Variants in PCDH15 observed in about 807,000 individuals in gnomAD.
PCDH15 encodes protocadherin-15.
In PCDH15, 129 loss-of-function variants were observed where a neutral mutation model predicts 178.5. That is an observed-to-expected ratio of 0.72 (90% CI 0.63 to 0.84). The LOEUF is 0.84. PCDH15 is among the 40% of genes least tolerant of loss of function. The pLI, the probability that PCDH15 is intolerant of heterozygous loss-of-function variation, is 0.00. For synonymous variants in PCDH15, 800 were observed against 732.0 expected (o/e 1.09, Z -1.50); for missense variants, 2,230 against 2,099.9 (o/e 1.06, Z -1.21).
chr10:55,219,443 A>G (rs1399704667), intron 1 of PCDH15, among the ~76,000 whole-genome samples: 2 of 151,908 alleles, frequency 1.3e-5, no homozygotes. Flanking sequence ...GGTCAGATAT[A>G]TGTACCTAAA....
intron 3 of PCDH15, among the ~76,000 whole-genome samples, chr10:54,448,913 T>C (rs10825333): frequency 0.12 from 18,292 of 151,792 alleles, 1,523 homozygotes; most frequent in Middle Eastern, 0.25. Context: ...AGACTACATC[T>C]CCTATTTTTA....
chr10:53,823,484 A>G (rs748208814), intron 32 of PCDH15: 2 of 913,702 alleles, frequency 2.2e-6, no homozygotes, highest in Non-Finnish European at 3.7e-6. Flanking sequence ...AACAACACTA[A>G]CCTACTAAAG....
chr10:54,412,530 T>C (rs1357330764), intron 3 of PCDH15, among the ~76,000 whole-genome samples: 4 of 152,136 alleles, frequency 2.6e-5, no homozygotes, highest in Non-Finnish European at 5.9e-5. Context: ...ACACCGAAGT[T>C]AGTTGTGATA....
intron 26 of PCDH15, among the ~76,000 whole-genome samples, chr10:53,877,799 A>G (rs2080355097): frequency 6.6e-6 from 1 of 152,100 alleles, no homozygotes; most frequent in Non-Finnish European, 1.5e-5. Context: ...CTTCCAGTCC[A>G]TCAGCAAGCA....
chr10:54,293,312 T>G (rs900490700), intron 8 of PCDH15, among the ~76,000 whole-genome samples: 1 of 152,112 alleles, frequency 6.6e-6, no homozygotes, highest in African/African-American at 2.4e-5. Flanking sequence ...ATACAAAAAT[T>G]AATTCAAGAT....
At chr10:55,025,610 A>G (rs968589823) in intron 2 of PCDH15, among the ~76,000 whole-genome samples, 18 of 152,090 alleles carry the variant, frequency 1.2e-4, no homozygotes, top group African/African-American at 4.1e-4. Flanking sequence ...TAAATTAATT[A>G]TAGCTTAGTA....
At chr10:55,103,079 T>C (rs1341465326) in intron 2 of PCDH15, among the ~76,000 whole-genome samples, 1 of 150,688 alleles carries the variant, frequency 6.6e-6, no homozygotes, top group African/African-American at 2.4e-5. Flanking sequence ...TGTAACTTCA[T>C]AGAAATATAT....
intron 13 of PCDH15, among the ~76,000 whole-genome samples, chr10:54,156,788 G>A (rs1212687013): frequency 6.6e-6 from 1 of 152,196 alleles, no homozygotes; most frequent in Non-Finnish European, 1.5e-5. Context: ...AAGCAAGTTA[G>A]TTACTTCCTA....
intron 3 of PCDH15, among the ~76,000 whole-genome samples, chr10:54,488,201 G>T (rs2079268079): frequency 6.6e-6 from 1 of 151,658 alleles, no homozygotes; most frequent in South Asian, 2.1e-4. Flanking sequence ...TTAAAACTAT[G>T]TTTTCAATCA....
chr10:53,944,073 A>G (rs2086315416), intron 23 of PCDH15, among the ~76,000 whole-genome samples: 1 of 152,296 alleles, frequency 6.6e-6, no homozygotes, highest in East Asian at 1.9e-4. Context: ...AGGTAGGAAC[A>G]TAACCAAATT....
At chr10:55,391,496 G>A (rs1285219940) in intron 2 of PCDH15, among the ~76,000 whole-genome samples, 1 of 151,546 alleles carries the variant, frequency 6.6e-6, no homozygotes, top group Non-Finnish European at 1.5e-5. Context: ...TTCTTTTTTG[G>A]GGGGTGGGGG....
intron 2 of PCDH15, among the ~76,000 whole-genome samples, chr10:55,623,109 C>G (rs188155022): frequency 7.0e-4 from 107 of 152,210 alleles, no homozygotes; most frequent in African/African-American, 2.4e-3. Flanking sequence ...CCACCTCCTG[C>G]TCTATATATT....
At position 54,918,284 on chromosome 10, in the gene PCDH15, T is replaced by C. The variant is rs569695145; in HGVS notation, c.-79-20784A>G. ...AGAAAAATCAGATATGACAAGTCCC[T>C]TCTTGGATAGGTTGTATTATATGAA... On this transcript the variant is annotated intron_variant, in intron 2 of 5. Transcript: ENST00000458638. Among the ~76,000 whole-genome samples, 18 of 152,256 alleles carry C rather than the reference T, an allele frequency of 1.2e-4. No homozygotes were observed. In the South Asian group the frequency reaches 2.7e-3, roughly 23 times the overall value.
chr10:54,394,059 A>T (rs78856113), intron 3 of PCDH15, among the ~76,000 whole-genome samples: 13,853 of 152,112 alleles, frequency 0.091, 2,094 homozygotes, highest in African/African-American at 0.31. Context: ...AAAGAAAGAG[A>T]GATGAAGAAA....
chr10:54,795,234 C>T (rs1291268812), intron 1 of PCDH15, among the ~76,000 whole-genome samples: 1 of 151,804 alleles, frequency 6.6e-6, no homozygotes, highest in Non-Finnish European at 1.5e-5. Context: ...TTACTATAAA[C>T]ATTCACTTAC....
At chr10:54,738,492 T>G (rs1944394320) in intron 1 of PCDH15, among the ~76,000 whole-genome samples, 1 of 152,026 alleles carries the variant, frequency 6.6e-6, no homozygotes, top group South Asian at 2.1e-4. Flanking sequence ...AAAAAACAAC[T>G]AATAAAAGTT....
At chr10:55,086,775 G>A (rs1842181092) in intron 2 of PCDH15, among the ~76,000 whole-genome samples, 1 of 151,882 alleles carries the variant, frequency 6.6e-6, no homozygotes. Context: ...CTTTAATATA[G>A]ATAAACAAAT....
chr10:54,734,732 G>T (rs34974391), intron 1 of PCDH15, among the ~76,000 whole-genome samples: 34,040 of 151,772 alleles, frequency 0.22, 4,154 homozygotes, highest in East Asian at 0.34. Context: ...AAAAAAGAAC[G>T]AACCAACTAT....
intron 5 of PCDH15, among the ~76,000 whole-genome samples, chr10:54,351,403 C>G (rs891325333): frequency 7.9e-5 from 12 of 151,982 alleles, no homozygotes; most frequent in African/African-American, 2.9e-4. Context: ...CTATTTGCAT[C>G]CAAAAGCTCT....
Sources: gnomAD v4.1 joint callset for allele counts (sites outside exome capture counted in the v4.1 genomes callset) on GRCh38, gnomAD v4.1.1 for gene constraint, MANE v1.5 for transcripts, NCBI Gene and HGNC (gene_info 2026-07-23, HGNC 2026-07-21) for gene names.